Variants in RALYL observed in about 807,000 individuals in gnomAD.
The protein encoded by RALYL is RALY RNA binding protein like, also known as RNA-binding Raly-like protein.
RALYL carries 29 observed loss-of-function variants against 35.1 expected under a neutral mutation model. That is an observed-to-expected ratio of 0.83 (90% CI 0.61 to 1.13). The LOEUF (loss-of-function observed/expected upper bound fraction) is 1.13, where lower values mean the gene tolerates loss of function less well. Ranked by LOEUF, RALYL falls within the 50% of genes most tolerant of loss-of-function variation. RALYL has a pLI of 0.00. For synonymous variants in RALYL, 120 were observed against 127.6 expected (o/e 0.94, Z 0.40); for missense variants, 359 against 360.4 (o/e 1.00, Z 0.03).
chr8:84,321,893 C>G (rs1586266783), intron 1 of RALYL, among the ~76,000 whole-genome samples: 1 of 152,076 alleles, frequency 6.6e-6, no homozygotes, highest in East Asian at 1.9e-4. Context: ...TTAGAGAAAA[C>G]AGACATAAGA....
intron 2 of RALYL, among the ~76,000 whole-genome samples, chr8:84,755,407 A>C (rs1381549781): frequency 2.6e-5 from 4 of 152,332 alleles, no homozygotes; most frequent in Non-Finnish European, 1.5e-5. Context: ...GATGTGTAGC[A>C]GTTACTTTAA....
At chr8:84,905,224 G>C (rs1440889697) in intron 8 of RALYL, among the ~76,000 whole-genome samples, 1 of 151,978 alleles carries the variant, frequency 6.6e-6, no homozygotes, top group Non-Finnish European at 1.5e-5. Context: ...TCTCCTCAAG[G>C]TTCATCCATG....
chr8:84,483,610 A>C (rs1000344266), intron 1 of RALYL, among the ~76,000 whole-genome samples: 2 of 152,190 alleles, frequency 1.3e-5, no homozygotes, highest in Non-Finnish European at 2.9e-5. Flanking sequence ...GCAACCAAGC[A>C]AAGATATCTT....
At chr8:84,515,331 T>A (rs2057971867) in intron 1 of RALYL, among the ~76,000 whole-genome samples, 1 of 152,166 alleles carries the variant, frequency 6.6e-6, no homozygotes, top group African/African-American at 2.4e-5. Context: ...TTAATTATAT[T>A]GTATATAGTG....
At chr8:84,471,496 A>T (rs1218686234) in intron 1 of RALYL, among the ~76,000 whole-genome samples, 1 of 151,862 alleles carries the variant, frequency 6.6e-6, no homozygotes, top group Non-Finnish European at 1.5e-5. Flanking sequence ...CTGGGGGCTG[A>T]GGTGAGAAGA....
At chr8:84,774,799 T>G (rs976321689) in intron 3 of RALYL, 145 bp downstream of exon 3, 1 of 632,838 alleles carries the variant, frequency 1.6e-6, no homozygotes, top group African/African-American at 1.8e-5. Flanking sequence ...GGTCAACATA[T>G]AAATATATCT....
At chr8:84,847,767 G>A (rs1834966902) in intron 4 of RALYL, among the ~76,000 whole-genome samples, 1 of 152,162 alleles carries the variant, frequency 6.6e-6, no homozygotes, top group Non-Finnish European at 1.5e-5. Context: ...ATACAGCATT[G>A]CTCTAGCCAT....
At chr8:84,649,845 G>A (rs1319973242) in intron 2 of RALYL, among the ~76,000 whole-genome samples, 1 of 152,028 alleles carries the variant, frequency 6.6e-6, no homozygotes, top group Non-Finnish European at 1.5e-5. Context: ...GATGGGGATG[G>A]CATTGAATCT....
intron 2 of RALYL, among the ~76,000 whole-genome samples, chr8:84,559,993 G>A (rs1394157817): frequency 6.8e-6 from 1 of 146,616 alleles, no homozygotes; most frequent in East Asian, 2.0e-4. Flanking sequence ...TTTTTTAATT[G>A]CCTCAAATGG....
intron 1 of RALYL, among the ~76,000 whole-genome samples, chr8:84,216,353 T>A (rs1820818426): frequency 6.6e-6 from 1 of 152,026 alleles, no homozygotes; most frequent in Admixed American, 6.6e-5. Context: ...TTAATAAAAG[T>A]CTCAGCAGAG....
At chr8:84,219,594 T>G (rs1377678235) in intron 1 of RALYL, among the ~76,000 whole-genome samples, 1 of 152,026 alleles carries the variant, frequency 6.6e-6, no homozygotes, top group Non-Finnish European at 1.5e-5. Context: ...ATAAGACATG[T>G]CTGTGTGTGT....
At chr8:84,605,506 G>C (rs193144495) in intron 2 of RALYL, among the ~76,000 whole-genome samples, 3 of 152,034 alleles carry the variant, frequency 2.0e-5, no homozygotes, top group Non-Finnish European at 4.4e-5. Context: ...TCAATCAGCC[G>C]ATGATTTGAG....
At chr8:84,266,552 G>C (rs1000337535) in intron 1 of RALYL, among the ~76,000 whole-genome samples, 1 of 152,226 alleles carries the variant, frequency 6.6e-6, no homozygotes, top group Non-Finnish European at 1.5e-5. Flanking sequence ...AGCTGGGTCA[G>C]ACAGATCAGG....
At chr8:84,280,203 T>C (rs1047138123) in intron 1 of RALYL, among the ~76,000 whole-genome samples, 2 of 152,178 alleles carry the variant, frequency 1.3e-5, no homozygotes, top group Non-Finnish European at 2.9e-5. Flanking sequence ...ATTATGAATA[T>C]ACAGTGGTAT....
At chr8:84,585,673 G>C (rs74852893) in intron 2 of RALYL, among the ~76,000 whole-genome samples, 1,683 of 152,138 alleles carry the variant, frequency 0.011, 36 homozygotes, top group African/African-American at 0.038. Flanking sequence ...TGTTTGCATT[G>C]ACATTGTAGT....
intron 1 of RALYL, among the ~76,000 whole-genome samples, chr8:84,314,040 G>A (rs553877545): frequency 6.6e-6 from 1 of 152,242 alleles, no homozygotes; most frequent in South Asian, 2.1e-4. Context: ...GGCTGGGGGA[G>A]GGCTCAGGAA....
chr8:84,803,644 A>G (rs1396094771), intron 3 of RALYL, among the ~76,000 whole-genome samples: 1 of 152,178 alleles, frequency 6.6e-6, no homozygotes, highest in African/African-American at 2.4e-5. Flanking sequence ...TTGCTTCCTA[A>G]AAATCCCTTT....
chr8:84,674,225 G>T (rs1297177999), intron 2 of RALYL, among the ~76,000 whole-genome samples: 1 of 152,074 alleles, frequency 6.6e-6, no homozygotes, highest in Non-Finnish European at 1.5e-5. Context: ...CATTGATTTT[G>T]TATCCTGAGA....
In RALYL at chr8:84,443,417, CA is replaced by C. The variant is rs1237669738; in HGVS notation, c.-23-85881del. On this transcript the variant is annotated intron_variant, in intron 1 of 8. Coordinates refer to ENST00000521268, the MANE Select transcript of RALYL (RefSeq NM_173848.7). Reference sequence around the variant, plus strand: ...TATTTTCAGTTAATGTTTGGAAACTCACATCTCACAGCCCAAAATGTCCATC... The same window carrying C: ...TATTTTCAGTTAATGTTTGGAAACTCCATCTCACAGCCCAAAATGTCCATC... Among the ~76,000 whole-genome samples the C allele has an allele frequency of 2.6e-5, 4 of 152,258 alleles. No homozygotes were observed. In the East Asian group the frequency reaches 7.7e-4, roughly 29 times the overall value.
Sources: allele counts gnomAD v4.1 joint callset (sites outside exome capture counted in the v4.1 genomes callset), GRCh38; gene constraint gnomAD v4.1.1; transcripts MANE v1.5; gene names NCBI Gene and HGNC (gene_info 2026-07-23, HGNC 2026-07-21).